The following CEP104 variants were observed in gnomAD, a reference collection of about 807,000 sequenced individuals.
CEP104 encodes the protein centrosomal protein of 104 kDa.
A neutral mutation model predicts 113.3 loss-of-function variants in CEP104; 84 were observed. That is an observed-to-expected ratio of 0.74 (90% CI 0.62 to 0.89). The LOEUF (loss-of-function observed/expected upper bound fraction) is 0.89. CEP104 is among the 40% of genes least tolerant of loss of function. CEP104 has a pLI of 0.00. For synonymous variants in CEP104, 378 were observed against 421.7 expected (o/e 0.90, Z 1.27); for missense variants, 1,053 against 1,156.6 (o/e 0.91, Z 1.30).
intron 16 of CEP104, 110 bp from the exon 17 acceptor site, chr1:3,826,546 T>C: frequency 7.7e-7 from 1 of 1,298,686 alleles, no homozygotes. Context: ...AAAGGTAGCA[T>C]GTTTTCCATT....
chr1:3,833,125 C>T (rs535839990), intron 12 of CEP104, among the ~76,000 whole-genome samples: 16 of 152,032 alleles, frequency 1.1e-4, no homozygotes, highest in African/African-American at 2.4e-4. Context: ...GGACGACAGG[C>T]ACGCACCACC....
rs772607748 is a variant in CEP104, at chr1:3,823,378, A to G, written c.2503+46T>C. The G allele has an allele frequency of 6.2e-6, 10 of 1,613,326 alleles. No homozygotes were observed. Among genetic ancestry groups the G allele is most frequent in the Non-Finnish European group, 8.5e-6 (10 of 1,179,608 alleles). On this transcript the variant is annotated intron_variant, in intron 19 of 21. Coordinates refer to ENST00000378230, the MANE Select transcript of CEP104 (RefSeq NM_014704.4). The surrounding 1 kb of genome is among the most constrained non-coding windows in gnomAD (Gnocchi z 4.1). ...GAGCAGTGGCACTTCCTCCAAGAGGACCCCTGGTGACCCGAGGGCACGGGA... is the reference window on the plus strand; with the variant it reads ...GAGCAGTGGCACTTCCTCCAAGAGGGCCCCTGGTGACCCGAGGGCACGGGA...
chr1:3,823,647 C>T lies in CEP104; in HGVS notation c.2365-85G>A. On this transcript the variant is annotated intron_variant, in intron 18 of 21. Coordinates refer to ENST00000378230, the MANE Select transcript of CEP104 (RefSeq NM_014704.4). The surrounding 1 kb of genome is among the most constrained non-coding windows in gnomAD (Gnocchi z 4.1). ...AGCCTGCAGAGCCTGTGAGCGCCTC[C>T]CCTGCCCAGGGAGGTCTGTGCCGCC... 1 of 1,564,536 alleles carries T rather than the reference C, an allele frequency of 6.4e-7. No individual in the cohort carries two copies. The highest frequency in any genetic ancestry group is 1.7e-5 in the Admixed American group (1 of 59,074).
In CEP104 at chr1:3,823,553, T is replaced by C. The variant is rs769469860; in HGVS notation, c.2374A>G (p.Ile792Val). Residue 792 changes from isoleucine (I) to valine (V), a missense_variant, in exon 19 of 22, where the codon ATA (isoleucine) becomes GTA (valine). Physicochemically the swap from Ile to Val is conservative, Grantham distance 29. Coordinates refer to ENST00000378230, the MANE Select transcript of CEP104 (RefSeq NM_014704.4). This position sits in a 1 kb window ranked among gnomAD's most constrained non-coding sequence, Gnocchi z 4.1. ...RCDHCKQVVE[I>V]SSLTEHLLTE... ...AGCAAGTGCTCCGTCAGACTGGATA[T>C]CTCGACCACCTGGATTTCGAAATAC... The C allele has an allele frequency of 1.2e-6, 2 of 1,614,096 alleles. No homozygotes were observed. The highest frequency in any genetic ancestry group is 1.1e-5 in the South Asian group (1 of 91,092).
At chr1:3,817,298 C>T (rs573502541) in intron 20 of CEP104, among the ~76,000 whole-genome samples, 28 of 152,270 alleles carry the variant, frequency 1.8e-4, no homozygotes, top group African/African-American at 5.3e-4. Context: ...GCCGAGATCA[C>T]ATCAGTGCAC....
At chr1:3,821,631 C>T (rs1401967830) in intron 20 of CEP104, among the ~76,000 whole-genome samples, 1 of 152,178 alleles carries the variant, frequency 6.6e-6, no homozygotes, top group Non-Finnish European at 1.5e-5. Context: ...CACGCGCCTC[C>T]CGGGGGACAC....
rs115331070 is a variant in CEP104 at position 3,848,125 on chromosome 1, T to C, written c.287+483A>G. 8.9e-4 allele frequency among the ~76,000 whole-genome samples: 135 copies of C among 152,274 alleles called. 1 individual carries two copies. Among genetic ancestry groups the C allele is most frequent in the African/African-American group, 3.2e-3 (131 of 41,524 alleles). On this transcript the variant is annotated intron_variant, in intron 3 of 21. Coordinates refer to ENST00000378230, the MANE Select transcript of CEP104 (RefSeq NM_014704.4). Reference sequence around the variant, plus strand: ...TGAATAGCAGAATTCATAGAAATTATAGCGCTGCTTTTTAAGCACATTCAA... The same window carrying C: ...TGAATAGCAGAATTCATAGAAATTACAGCGCTGCTTTTTAAGCACATTCAA...
chr1:3,816,023 CG>C (rs1010238280), intron 21 of CEP104: 15 of 444,454 alleles, frequency 3.4e-5, no homozygotes, highest in Middle Eastern at 5.9e-4. Flanking sequence ...GAGCGGAGGA[CG>C]GGAGTGTGAA....
chr1:3,853,408 A>AGG (rs1644654570), intron 1 of CEP104, among the ~76,000 whole-genome samples: 7 of 150,976 alleles, frequency 4.6e-5, no homozygotes, highest in South Asian at 2.1e-4. Context: ...ATCGGGGGAA[A>AGG]AAAAAAAAGG....
chr1:3,833,351 C>CT lies in CEP104; in HGVS notation c.1659+510dup, dbSNP rs556286503. On this transcript the variant is annotated intron_variant, in intron 12 of 21. Transcript: ENST00000378230. ...TGTAAAACTTAACGTAATTCATAAG[C>CT]TTCTTAAGCCCAAAGGAGGACTCTT... 6.0e-3 allele frequency among the ~76,000 whole-genome samples: 907 copies of CT among 152,216 alleles called. 10 individuals carry two copies. The highest frequency in any genetic ancestry group is 0.02 in the African/African-American group (844 of 41,510).
chr1:3,815,822 G>A (rs967067878), intron 21 of CEP104, among the ~76,000 whole-genome samples: 2 of 152,100 alleles, frequency 1.3e-5, no homozygotes, highest in South Asian at 2.1e-4. Flanking sequence ...CTGAGTAGCT[G>A]GACTATAGGT....
intron 6 of CEP104, chr1:3,843,110 T>C (rs1267148294): frequency 1.6e-6 from 1 of 622,460 alleles, no homozygotes; most frequent in Non-Finnish European, 3.0e-6. Flanking sequence ...CAATTCCTCT[T>C]TTTTTCTCAC....
At chr1:3,855,724 G>A (rs1644709586) in intron 1 of CEP104, 1 of 188,402 alleles carries the variant, frequency 5.3e-6, no homozygotes, top group Admixed American at 6.5e-5. Context: ...GTACCCTAGG[G>A]TCCCCTCTGT....
intron 1 of CEP104, among the ~76,000 whole-genome samples, chr1:3,855,210 G>A (rs1295322304): frequency 6.3e-5 from 8 of 126,460 alleles, no homozygotes; most frequent in South Asian, 2.5e-4. Context: ...ACAGGTTCTC[G>A]CTCTGTTGCC....
Position 3,823,010 on chromosome 1 carries a change from G to A in CEP104, c.2571+164C>T, listed in dbSNP as rs1486743782. 2 of 663,772 alleles carry A rather than the reference G, an allele frequency of 3.0e-6. No individual in the cohort carries two copies. Among genetic ancestry groups the A allele is most frequent in the South Asian group, 1.9e-5 (1 of 53,562 alleles). The allele number at this position is 663,772 out of a possible 1,614,324, so 41.1% of individuals were successfully genotyped here. A position where few individuals can be genotyped will look rare whatever the true frequency, so the allele number is the denominator to read the frequency against. ...AATCATGTGAACACGTAGGTAAACGGAACGACTGCTCAGACAGGGCTCACT... is the reference window on the plus strand; with the variant it reads ...AATCATGTGAACACGTAGGTAAACGAAACGACTGCTCAGACAGGGCTCACT... On this transcript the variant is annotated intron_variant, in intron 20 of 21. Transcript: ENST00000378230. This position sits in a 1 kb window ranked among gnomAD's most constrained non-coding sequence, Gnocchi z 4.1.
chr1:3,847,522 GT>G lies in CEP104; in HGVS notation c.378del (p.Lys126AsnfsTer2). 1 of 1,610,474 alleles carries G rather than the reference GT, an allele frequency of 6.2e-7. No individual in the cohort carries two copies. Among genetic ancestry groups the G allele is most frequent in the Non-Finnish European group, 8.5e-7 (1 of 1,178,834 alleles). On this transcript the variant is annotated frameshift_variant, in exon 4 of 22. Transcript: ENST00000378230. LOFTEE classifies it high-confidence loss of function. ...TTGACATGGTTTTGGTGAAAAATCA[GT>G]TTAAGAAATTGTCCTACTGCATCCA... ...VYVDAVGQFL[K>X]LIFHQNHVNK...
intron 1 of CEP104, chr1:3,855,745 A>C (rs1445337098): frequency 4.0e-6 from 1 of 248,232 alleles, no homozygotes; most frequent in Non-Finnish European, 6.4e-6. Context: ...GTAAACCTTC[A>C]AGTGTTACAT....
In CEP104 at chr1:3,848,150, A is replaced by G. The variant is rs147830989; in HGVS notation, c.287+458T>C. Among the ~76,000 whole-genome samples, 16 of 152,294 alleles carry G rather than the reference A, an allele frequency of 1.1e-4. No individual in the cohort carries two copies. The East Asian group carries it at 2.5e-3, about 24-fold the overall frequency. Reference sequence around the variant, plus strand: ...TAGCGCTGCTTTTTAAGCACATTCAATAAGAGGCAGGTGTTAAGAAACTGT... The same window carrying G: ...TAGCGCTGCTTTTTAAGCACATTCAGTAAGAGGCAGGTGTTAAGAAACTGT... On this transcript the variant is annotated intron_variant, in intron 3 of 21. Transcript: ENST00000378230.
chr1:3,836,304 CAAAAA>C (rs34181241), intron 10 of CEP104, among the ~76,000 whole-genome samples, 186 bp downstream of exon 10: 5 of 115,102 alleles, frequency 4.3e-5, no homozygotes, highest in Non-Finnish European at 5.3e-5. Context: ...GACTCCGTCT[CAAAAA>C]AAAAAAAAAA....
Sources: gnomAD v4.1 joint callset for allele counts (sites outside exome capture counted in the v4.1 genomes callset) on GRCh38, gnomAD v4.1.1 for gene constraint, Gnocchi (gnomAD v3.1) non-coding constraint, MANE v1.5 for transcripts, NCBI Gene and HGNC (gene_info 2026-07-23, HGNC 2026-07-21) for gene names.